The following PCOLCE2 variants were observed in gnomAD, a reference collection of about 807,000 sequenced individuals.
PCOLCE2 encodes procollagen C-endopeptidase enhancer 2.
In PCOLCE2, 42 loss-of-function variants were observed where a neutral mutation model predicts 47.0. The observed-to-expected ratio is 0.89, with a 90% CI of 0.70 to 1.16. The LOEUF (loss-of-function observed/expected upper bound fraction) is 1.16, where lower values mean the gene tolerates loss of function less well. Among genes scored for constraint, PCOLCE2 ranks in the 50% most tolerant of loss-of-function variants. The pLI is 0.00. For synonymous variants in PCOLCE2, 169 were observed against 191.7 expected, an observed-to-expected ratio of 0.88 and a Z score of 0.98; for missense variants, 500 against 526.1, an observed-to-expected ratio of 0.95 and a Z score of 0.49.
chr3:142,845,847 T>C (rs893069231), intron 3 of PCOLCE2, among the ~76,000 whole-genome samples: 1 of 152,130 alleles, frequency 6.6e-6, no homozygotes, highest in Non-Finnish European at 1.5e-5. Context: ...TGGTGGCGCA[T>C]GCCTGTAATC....
chr3:142,883,198 CAAAAAAAAAAAA>C (rs750569279), intron 2 of PCOLCE2, among the ~76,000 whole-genome samples: 1 of 71,898 alleles, frequency 1.4e-5, no homozygotes, highest in Non-Finnish European at 2.5e-5. Context: ...GACTCCGTCT[CAAAAAAAAAAAA>C]AAAAAAAAAG....
chr3:142,882,589 A>ATTATTTTTTTTTTTTTTTTTTTTTT (rs1188049251), intron 2 of PCOLCE2, among the ~76,000 whole-genome samples: 6 of 151,636 alleles, frequency 4.0e-5, no homozygotes, highest in African/African-American at 1.2e-4. Context: ...TTATTATTAT[A>ATTATTTTTTTTTTTTTTTTTTTTTT]CTTTAGAGAA....
intron 2 of PCOLCE2, among the ~76,000 whole-genome samples, chr3:142,860,900 T>TG (rs1933170229): frequency 6.6e-6 from 1 of 152,226 alleles, no homozygotes; most frequent in African/African-American, 2.4e-5. Flanking sequence ...AGCACAGCTG[T>TG]GGGCTGGGAC....
chr3:142,846,188 T>C (rs1937326650), intron 3 of PCOLCE2, among the ~76,000 whole-genome samples: 1 of 152,194 alleles, frequency 6.6e-6, no homozygotes, highest in South Asian at 2.1e-4. Context: ...CTCTTGACTC[T>C]ATTTTTCTTA....
chr3:142,858,309 C>A (rs1405916365), intron 2 of PCOLCE2, among the ~76,000 whole-genome samples: 1 of 152,160 alleles, frequency 6.6e-6, no homozygotes, highest in Non-Finnish European at 1.5e-5. Flanking sequence ...CCCACATGCA[C>A]CTGGCAGCCA....
intron 5 of PCOLCE2, 134 bp downstream of exon 5, chr3:142,838,636 T>G (rs1937230371): frequency 1.3e-6 from 1 of 754,170 alleles, no homozygotes; most frequent in Admixed American, 2.4e-5. Context: ...GTGCGAGAAC[T>G]AATAGAGGAC....
In PCOLCE2 at chr3:142,818,396, A is replaced by AT; in HGVS notation, c.1186dup (p.Ile396AsnfsTer18). 6.2e-7 allele frequency: 1 copy of AT among 1,612,974 alleles called. No homozygotes were observed. Among genetic ancestry groups the AT allele is most frequent in the South Asian group, 1.1e-5 (1 of 91,018 alleles). ...CTGATTCTTGGTCTTGAACATCATG[A>AT]TAAAGCTGTTTGGCATGATTTTGCC... On this transcript the variant is annotated frameshift_variant, in exon 9 of 9. Transcript: ENST00000295992. LOFTEE classifies it high-confidence loss of function.
chr3:142,825,658 T>C (rs1937068733), intron 6 of PCOLCE2, among the ~76,000 whole-genome samples: 2 of 152,352 alleles, frequency 1.3e-5, no homozygotes, highest in South Asian at 2.1e-4. Flanking sequence ...CCATCTTTGA[T>C]GGTTCAATAT....
intron 2 of PCOLCE2, among the ~76,000 whole-genome samples, chr3:142,858,771 G>A (rs990022365): frequency 1.3e-5 from 2 of 152,110 alleles, no homozygotes; most frequent in South Asian, 2.1e-4. Flanking sequence ...GAGACAGAGC[G>A]AGAGATAGGG....
intron 2 of PCOLCE2, among the ~76,000 whole-genome samples, chr3:142,884,078 T>C (rs1392125317): frequency 6.6e-6 from 1 of 152,198 alleles, no homozygotes; most frequent in Non-Finnish European, 1.5e-5. Context: ...GTGAAATACA[T>C]CACACCAGCT....
chr3:142,862,155 C>T (rs558317069), intron 2 of PCOLCE2, among the ~76,000 whole-genome samples: 3 of 152,250 alleles, frequency 2.0e-5, no homozygotes, highest in South Asian at 2.1e-4. Context: ...AGAGACAGCA[C>T]CCTTGCTGCT....
chr3:142,820,743 T>C, intron 8 of PCOLCE2, 135 bp downstream of exon 8: 1 of 649,678 alleles, frequency 1.5e-6, no homozygotes, highest in Non-Finnish European at 2.6e-6. Flanking sequence ...AGAGCCCAAT[T>C]CTGCCTGACT....
intron 2 of PCOLCE2, among the ~76,000 whole-genome samples, chr3:142,871,814 C>T (rs1253508383): frequency 6.6e-6 from 1 of 152,090 alleles, no homozygotes; most frequent in Non-Finnish European, 1.5e-5. Flanking sequence ...TATAGATATT[C>T]AATACACATA....
In PCOLCE2 at chr3:142,838,826, G is replaced by A. The variant is rs752732578; in HGVS notation, c.654C>T (p.Gly218=). The A allele has an allele frequency of 2.0e-5, 32 of 1,613,186 alleles. No homozygotes were observed. The highest frequency in any genetic ancestry group is 1.1e-4 in the East Asian group (5 of 44,892). Residue 218 remains glycine, a synonymous_variant, in exon 5 of 9, where the codon GGC becomes GGT. Transcript: ENST00000295992. ...CRYDYVAVFN[G]GEVNDARRIG... Reference sequence around the variant, plus strand: ...TTCTTCTAGCATCGTTGACTTCCCCGCCATTAAACACAGCCACATAATCAT... The same window carrying A: ...TTCTTCTAGCATCGTTGACTTCCCCACCATTAAACACAGCCACATAATCAT...
chr3:142,887,964 C>T (rs1224193324), intron 1 of PCOLCE2, among the ~76,000 whole-genome samples, 187 bp from the exon 2 acceptor site: 1 of 152,136 alleles, frequency 6.6e-6, no homozygotes, highest in Non-Finnish European at 1.5e-5. Context: ...CCTGACAAAG[C>T]ATTCAGTCCA....
Position 142,888,806 on chromosome 3 carries a change from C to G in PCOLCE2, c.83+8G>C. 6.7e-7 allele frequency: 1 copy of G among 1,483,356 alleles called. No individual in the cohort carries two copies. Among genetic ancestry groups the G allele is most frequent in the African/African-American group, 1.5e-5 (1 of 68,938 alleles). The allele number at this position is 1,483,356 out of a possible 1,614,324, so 91.9% of individuals were successfully genotyped here. A position where few individuals can be genotyped will look rare whatever the true frequency, so the allele number is the denominator to read the frequency against. Reference sequence around the variant, plus strand: ...AGAGAAAGGGAGCCCGGGCAGGGGTCGCGTTACCTCTCTGGGGACTGCTGC... The same window carrying G: ...AGAGAAAGGGAGCCCGGGCAGGGGTGGCGTTACCTCTCTGGGGACTGCTGC... On this transcript the variant is annotated splice_region_variant and intron_variant, in intron 1 of 8. Transcript: ENST00000295992.
At chr3:142,849,971 T>G (rs956388500) in intron 2 of PCOLCE2, among the ~76,000 whole-genome samples, 9 of 152,228 alleles carry the variant, frequency 5.9e-5, no homozygotes, top group African/African-American at 2.2e-4. Context: ...TCGTAGAAAT[T>G]ATAATGGCGT....
chr3:142,821,196 C>T, intron 7 of PCOLCE2, 151 bp from the exon 8 acceptor site: 1 of 615,528 alleles, frequency 1.6e-6, no homozygotes, highest in Non-Finnish European at 2.8e-6. Context: ...TGCTTCTGTA[C>T]ATTTGTCACC....
chr3:142,824,670 C>T (rs187751502), intron 6 of PCOLCE2, among the ~76,000 whole-genome samples: 81 of 152,290 alleles, frequency 5.3e-4, no homozygotes, highest in Non-Finnish European at 8.5e-4. Context: ...TGGAGTCTCT[C>T]GCTCTGTCGC....
Sources: gnomAD v4.1 joint callset for allele counts (sites outside exome capture counted in the v4.1 genomes callset) on GRCh38, gnomAD v4.1.1 for gene constraint, MANE v1.5 for transcripts, NCBI Gene and HGNC (gene_info 2026-07-23, HGNC 2026-07-21) for gene names.